The following SULT1B1 variants were observed in gnomAD, a reference collection of about 807,000 sequenced individuals.
SULT1B1 encodes the protein sulfotransferase family 1B member 1.
SULT1B1 carries 28 observed loss-of-function variants against 34.6 expected under a neutral mutation model. The observed-to-expected ratio is 0.81, with a 90% CI of 0.60 to 1.11. The LOEUF is 1.11. Among genes scored for constraint, SULT1B1 ranks in the 50% least tolerant of loss-of-function variants. SULT1B1 has a pLI of 0.00. For missense variants in SULT1B1, 374 were observed against 352.2 expected, an observed-to-expected ratio of 1.06 and a Z score of -0.50; for synonymous variants, 147 against 110.2, an observed-to-expected ratio of 1.33 and a Z score of -2.09.
At chr4:69,757,418 TG>T (rs1292632364) in intron 1 of SULT1B1, among the ~76,000 whole-genome samples, 2 of 152,224 alleles carry the variant, frequency 1.3e-5, no homozygotes, top group Non-Finnish European at 2.9e-5. Context: ...GTAAGTAATT[TG>T]TGGACCCACA....
intron 4 of SULT1B1, among the ~76,000 whole-genome samples, chr4:69,736,681 T>A (rs185730903): frequency 8.0e-4 from 122 of 152,094 alleles, no homozygotes; most frequent in African/African-American, 2.8e-3. Flanking sequence ...AAATTATAGA[T>A]CTGCAATGTA....
chr4:69,746,224 T>G (rs1578061322), intron 4 of SULT1B1, among the ~76,000 whole-genome samples: 1 of 152,230 alleles, frequency 6.6e-6, no homozygotes, highest in African/African-American at 2.4e-5. Context: ...TGGGGTTCTC[T>G]GAATTTTCTG....
chr4:69,748,418 T>G (rs1383513313), intron 4 of SULT1B1, among the ~76,000 whole-genome samples: 1 of 152,226 alleles, frequency 6.6e-6, no homozygotes, highest in Non-Finnish European at 1.5e-5. Context: ...ACATCATTAG[T>G]CATAGTTGAG....
intron 4 of SULT1B1, among the ~76,000 whole-genome samples, chr4:69,747,597 G>A (rs75305466): frequency 0.016 from 2,377 of 152,302 alleles, 30 homozygotes; most frequent in Non-Finnish European, 0.021. Context: ...AGCCTTGGGG[G>A]ATGGGCATCT....
Position 69,726,810 on chromosome 4 carries a change from T to C in SULT1B1, c.*278A>G, listed in dbSNP as rs115649416. The C allele has an allele frequency of 1.1e-3, 266 of 248,188 alleles. 2 individuals carry two copies. Among genetic ancestry groups the C allele is most frequent in the African/African-American group, 5.7e-3 (257 of 44,838 alleles). 15.4% of individuals were successfully genotyped at this position (248,188 alleles called of 1,614,324 possible). A position where few individuals can be genotyped will look rare whatever the true frequency, so the allele number is the denominator to read the frequency against. Reference sequence around the variant, plus strand: ...AGTAAAATAAATCCCTTCTTTCTTATCAGTACTAGTGTAGAAAAAGGCAGG... The same window carrying C: ...AGTAAAATAAATCCCTTCTTTCTTACCAGTACTAGTGTAGAAAAAGGCAGG... On this transcript the variant is annotated 3_prime_UTR_variant, in exon 8 of 8. Transcript: ENST00000310613.
rs769491041 is a variant in SULT1B1 at position 69,754,658 on chromosome 4, G to T, written c.277+12C>A. The T allele has an allele frequency of 1.2e-5, 19 of 1,610,464 alleles. No individual in the cohort carries two copies. The highest frequency in any genetic ancestry group is 4.4e-5 in the South Asian group (4 of 90,572). ...TATTACAAAATAATAATTCCAAGTG[G>T]GTTAAATTTACCTGATGTTCTTAAT... On this transcript the variant is annotated intron_variant, in intron 3 of 7. Transcript: ENST00000310613.
intron 1 of SULT1B1, among the ~76,000 whole-genome samples, chr4:69,759,187 G>C (rs2110034727): frequency 6.6e-6 from 1 of 152,268 alleles, no homozygotes; most frequent in African/African-American, 2.4e-5. Context: ...CTTGCATTTT[G>C]TGGATAAGAT....
intron 3 of SULT1B1, among the ~76,000 whole-genome samples, chr4:69,752,549 A>G (rs968347587): frequency 2.0e-5 from 3 of 152,240 alleles, no homozygotes; most frequent in Admixed American, 6.5e-5. Context: ...AATATTTATA[A>G]GCTGAACTTA....
rs866811418 is a variant in SULT1B1, at chr4:69,740,389, G to A, written c.376-6125C>T. Among the ~76,000 whole-genome samples, 16 of 152,186 alleles carry A rather than the reference G, an allele frequency of 1.1e-4. No individual in the cohort carries two copies. In the South Asian group the frequency reaches 1.7e-3, roughly 16 times the overall value. On this transcript the variant is annotated intron_variant, in intron 4 of 7. Transcript: ENST00000310613. ...TTTATAGGGTGGCAGGACAGAGGGA[G>A]TTTTAGCAAGGGAAATGCCAGGTAC...
At chr4:69,758,500 A>G (rs896707662) in intron 1 of SULT1B1, 1 of 983,378 alleles carries the variant, frequency 1.0e-6, no homozygotes, top group Non-Finnish European at 1.2e-6. Context: ...CTAAAGGGAA[A>G]TATCAATGGC....
chr4:69,755,572 A>C (rs1719157273), intron 1 of SULT1B1, among the ~76,000 whole-genome samples: 1 of 152,168 alleles, frequency 6.6e-6, no homozygotes, highest in Non-Finnish European at 1.5e-5. Flanking sequence ...TTAAGGCAAA[A>C]TAAATCCACT....
intron 4 of SULT1B1, among the ~76,000 whole-genome samples, chr4:69,742,505 T>G (rs1401250816): frequency 6.6e-6 from 1 of 152,232 alleles, no homozygotes; most frequent in Non-Finnish European, 1.5e-5. Context: ...CCCAGGGGTT[T>G]GATAGATTAG....
At chr4:69,759,941 T>A (rs540620998) in intron 1 of SULT1B1, among the ~76,000 whole-genome samples, 2 of 152,344 alleles carry the variant, frequency 1.3e-5, no homozygotes, top group East Asian at 1.9e-4. Flanking sequence ...TGAGTCATTT[T>A]ACATTAAAAC....
chr4:69,744,348 T>C (rs931941974), intron 4 of SULT1B1, among the ~76,000 whole-genome samples: 8 of 152,310 alleles, frequency 5.3e-5, no homozygotes, highest in African/African-American at 1.9e-4. Flanking sequence ...GTGGAGGCTC[T>C]GGACCTGGAA....
chr4:69,730,756 C>T (rs186576283), intron 6 of SULT1B1, 75 bp from the exon 7 acceptor site: 53 of 1,374,172 alleles, frequency 3.9e-5, no homozygotes, highest in Admixed American at 9.5e-5. Context: ...ATTTATAATC[C>T]GTTTTTTTAA....
intron 4 of SULT1B1, 115 bp downstream of exon 4, chr4:69,749,606 T>A: frequency 1.5e-6 from 1 of 686,950 alleles, no homozygotes. Context: ...GGGTATAGTA[T>A]AGATTGTTGC....
chr4:69,727,136 A>G lies in SULT1B1; in HGVS notation c.843T>C (p.Tyr281=). ...GTGCAGTTTTGGACATTTCTGTCTC[A>G]TAAATAGCATCAAATTTCTCATTTT... ...VAQNEKFDAI[Y]ETEMSKTALQ... The change falls in exon 8 of 8, where the codon TAT becomes TAC. Residue 281 remains tyrosine, a synonymous_variant. Transcript: ENST00000310613. The G allele has an allele frequency of 1.9e-6, 3 of 1,612,016 alleles. No homozygotes were observed. Among genetic ancestry groups the G allele is most frequent in the Non-Finnish European group, 2.5e-6 (3 of 1,178,832 alleles).
rs912080538 is a variant in SULT1B1 at position 69,724,521 on chromosome 4, C to A, written c.*2567G>T. Reference sequence around the variant, plus strand: ...TTCTTCACAGAATTGGAAAAAACTACTTTAAAGTTCATAAGAAACCAAAAA... The same window carrying A: ...TTCTTCACAGAATTGGAAAAAACTAATTTAAAGTTCATAAGAAACCAAAAA... On this transcript the variant is annotated 3_prime_UTR_variant, in exon 8 of 8. Transcript: ENST00000310613. The A allele has an allele frequency of 6.6e-6, 1 of 152,194 alleles. No homozygotes were observed. The highest frequency in any genetic ancestry group is 2.4e-5 in the African/African-American group (1 of 41,448). The allele number at this position is 152,194 out of a possible 1,614,324, so 9.4% of individuals were successfully genotyped here.
intron 3 of SULT1B1, among the ~76,000 whole-genome samples, chr4:69,753,343 A>G (rs1282252151): frequency 6.6e-6 from 1 of 152,184 alleles, no homozygotes; most frequent in Non-Finnish European, 1.5e-5. Context: ...CTTATCTAGC[A>G]TCCTCAATTC....
Sources: allele counts gnomAD v4.1 joint callset (sites outside exome capture counted in the v4.1 genomes callset), GRCh38; gene constraint gnomAD v4.1.1; transcripts MANE v1.5; gene names NCBI Gene and HGNC (gene_info 2026-07-23, HGNC 2026-07-21).